Variants in CKAP2L observed in about 807,000 individuals in gnomAD.
CKAP2L encodes the protein cytoskeleton-associated protein 2-like.
CKAP2L carries 42 observed loss-of-function variants against 65.7 expected under a neutral mutation model. That is an observed-to-expected ratio of 0.64 (90% confidence interval 0.50 to 0.83). The LOEUF (loss-of-function observed/expected upper bound fraction) is 0.83, where lower values mean the gene tolerates loss of function less well. Among genes scored for constraint, CKAP2L ranks in the 40% least tolerant of loss-of-function variants. The probability of loss-of-function intolerance (pLI) is 0.00; values close to 1 mark genes in which losing one functional copy is unlikely to be tolerated. For synonymous variants in CKAP2L, 325 were observed against 313.5 expected (o/e 1.04, Z -0.39); for missense variants, 908 against 871.0 (o/e 1.04, Z -0.53).
At chr2:112,762,627 C>T in intron 1 of CKAP2L, 58 bp from the exon 2 acceptor site, 1 of 1,348,250 alleles carries the variant, frequency 7.4e-7, no homozygotes, top group South Asian at 1.2e-5. Context: ...TTAACCAGTT[C>T]ATTAATATTC....
At chr2:112,741,071 A>T in intron 7 of CKAP2L, 64 bp from the exon 8 acceptor site, 5 of 1,068,062 alleles carry the variant, frequency 4.7e-6, no homozygotes, top group Non-Finnish European at 7.0e-6. Flanking sequence ...CTAGAAGTCA[A>T]TAACATGAAA....
intron 7 of CKAP2L, among the ~76,000 whole-genome samples, chr2:112,742,111 A>G (rs1012707908): frequency 6.6e-5 from 10 of 152,252 alleles, no homozygotes; most frequent in Admixed American, 2.0e-4. Context: ...TTAAAGGAAA[A>G]AGATTTGTCA....
chr2:112,752,332 CTT>C lies in CKAP2L; in HGVS notation c.1535_1536del (p.Lys512SerfsTer8). 2 of 1,613,728 alleles carry C rather than the reference CTT, an allele frequency of 1.2e-6. No homozygotes were observed. Among genetic ancestry groups the C allele is most frequent in the Non-Finnish European group, 1.7e-6 (2 of 1,179,734 alleles). ...KSIEKEEEEK[K>X]AQLELSSKIN... ...ATTTTACTGGACAGTTCGAGTTGTG[CTT>C]TCTTTTCTTCCTCTTCTTTTTCAAT... is the stretch of plus-strand genomic sequence containing the variant. On this transcript the variant is annotated frameshift_variant, in exon 5 of 9. Transcript: ENST00000302450. LOFTEE classifies it high-confidence loss of function.
rs1679816377 is a variant in CKAP2L at position 112,740,213 on chromosome 2, CAG to C, written c.2012+603_2012+604del. 2.0e-5 allele frequency among the ~76,000 whole-genome samples: 3 copies of C among 152,040 alleles called. No individual in the cohort carries two copies. The South Asian group carries it at 6.2e-4, about 32-fold the overall frequency. ...ACTGTAGTGGGAAAATGGTGTGTGT[CAG>C]AGAGTTTAGGATTGGAAGAGATTCG... On this transcript the variant is annotated intron_variant, in intron 8 of 8. Coordinates refer to ENST00000302450, the MANE Select transcript of CKAP2L (RefSeq NM_152515.5).
At chr2:112,746,174 A>G (rs564910283) in intron 6 of CKAP2L, among the ~76,000 whole-genome samples, 1 of 152,310 alleles carries the variant, frequency 6.6e-6, no homozygotes, top group Non-Finnish European at 1.5e-5. Context: ...TGTAAATAAT[A>G]ATTATATAGT....
chr2:112,757,321 AT>A, intron 3 of CKAP2L, 107 bp from the exon 4 acceptor site: 1 of 801,270 alleles, frequency 1.2e-6, no homozygotes, highest in Non-Finnish European at 1.9e-6. Context: ...CATTTTTAGA[AT>A]TTCATCTAAG....
In CKAP2L at chr2:112,738,833, G is replaced by A; in HGVS notation, c.2228C>T (p.Pro743Leu). The A allele has an allele frequency of 6.3e-7, 1 of 1,599,218 alleles. No homozygotes were observed. Among genetic ancestry groups the A allele is most frequent in the Non-Finnish European group, 8.6e-7 (1 of 1,166,586 alleles). Residue 743 changes from proline (P) to leucine (L), a missense_variant, in exon 9 of 9, where the codon CCT (proline) becomes CTT (leucine). Coordinates refer to ENST00000302450, the MANE Select transcript of CKAP2L (RefSeq NM_152515.5). Reference protein sequence around the residue: ...ALPVTLGFQTPES With the variant: ...ALPVTLGFQTLES ...AAAAGCATCAAGAAATTATGATTCA[G>A]GGGTTTGAAACCCCAATGTTACAGG...
In CKAP2L at chr2:112,740,943, C is replaced by A. The variant is rs771414042; in HGVS notation, c.1887G>T (p.Lys629Asn). The stretch of plus-strand genomic sequence containing the variant: ...AAAGACAAGACTTCACAGATTCCAT[C>A]TTCTTGGCCAGCTCTTCCACTGATG... ...SITSVEELAK[K>N]MESVKSCLSP... Residue 629 changes from lysine (K) to asparagine (N), a missense_variant, in exon 8 of 9, where the codon AAG becomes AAT. Coordinates refer to ENST00000302450, the MANE Select transcript of CKAP2L (RefSeq NM_152515.5). 5 of 1,614,010 alleles carry A rather than the reference C, an allele frequency of 3.1e-6. No homozygotes were observed. In the South Asian group the frequency reaches 5.5e-5, roughly 18 times the overall value.
intron 2 of CKAP2L, 48 bp downstream of exon 2, chr2:112,762,455 T>C (rs767742298): frequency 9.0e-6 from 13 of 1,438,530 alleles, no homozygotes; most frequent in Admixed American, 1.7e-5. Flanking sequence ...AAATTGCTAG[T>C]ACAAAGAAGG....
intron 5 of CKAP2L, among the ~76,000 whole-genome samples, chr2:112,749,682 A>C (rs1005536809): frequency 6.6e-6 from 1 of 152,254 alleles, no homozygotes; most frequent in East Asian, 1.9e-4. Flanking sequence ...TAAAGAACTC[A>C]AAATGGGAAT....
chr2:112,745,384 AT>A (rs1350390339), intron 6 of CKAP2L, among the ~76,000 whole-genome samples: 385 of 143,778 alleles, frequency 2.7e-3, no homozygotes, highest in Admixed American at 3.4e-3. Context: ...ATATTCATGT[AT>A]TTTTTTTTTT....
chr2:112,749,963 C>CT (rs1418263308), intron 5 of CKAP2L, among the ~76,000 whole-genome samples: 1 of 152,102 alleles, frequency 6.6e-6, no homozygotes, highest in African/African-American at 2.4e-5. Context: ...GTTCTAGCAT[C>CT]TTTTTTTCCC....
At chr2:112,742,422 CA>C in intron 7 of CKAP2L, 2 of 717,590 alleles carry the variant, frequency 2.8e-6, no homozygotes. Flanking sequence ...TCTCTTCCAG[CA>C]AAGAGCTGTT....
intron 1 of CKAP2L, chr2:112,763,629 G>A (rs1680800404): frequency 6.6e-6 from 1 of 152,206 alleles, no homozygotes; most frequent in African/African-American, 2.4e-5. Context: ...AGGGGAGTAG[G>A]TGGCTAGAAA....
intron 5 of CKAP2L, among the ~76,000 whole-genome samples, chr2:112,747,549 C>A (rs1680239381): frequency 6.6e-6 from 1 of 152,194 alleles, no homozygotes; most frequent in East Asian, 1.9e-4. Flanking sequence ...AGGGTTAAAT[C>A]CCACAAAAAG....
At position 112,756,342 on chromosome 2, in the gene CKAP2L, T is replaced by C. The variant is rs926888334; in HGVS notation, c.1029A>G (p.Glu343=). 3 of 1,613,586 alleles carry C rather than the reference T, an allele frequency of 1.9e-6. No homozygotes were observed. Among genetic ancestry groups the C allele is most frequent in the African/African-American group, 2.7e-5 (2 of 74,908 alleles). The part of the protein sequence containing the change: ...PRTYPSLLQG[E]YNNRHPNIKQ... ...TGATGTTTGGATGTCTGTTGTTATA[T>C]TCACCCTGAAGCAAACTGGGGTATG... is the stretch of plus-strand genomic sequence containing the variant. The change falls in exon 4 of 9, where the codon GAA becomes GAG. Residue 343 remains glutamate, a synonymous_variant. Coordinates refer to ENST00000302450, the MANE Select transcript of CKAP2L (RefSeq NM_152515.5).
Position 112,756,973 on chromosome 2 carries a change from TCTC to T in CKAP2L, c.395_397del (p.Gly132del), listed in dbSNP as rs745761984. ...TGACCCCACAGGTTTTCTTGACAGT[TCTC>T]CTGTTGTGGACGATCCAGCTTCACA... is the stretch of plus-strand genomic sequence containing the variant. On this transcript the variant is annotated inframe_deletion, in exon 4 of 9. Coordinates refer to ENST00000302450, the MANE Select transcript of CKAP2L (RefSeq NM_152515.5). 3 of 1,614,254 alleles carry T rather than the reference TCTC, an allele frequency of 1.9e-6. No individual in the cohort carries two copies. The highest frequency in any genetic ancestry group is 1.1e-5 in the South Asian group (1 of 91,090).
chr2:112,739,853 T>C (rs1050931061), intron 8 of CKAP2L, among the ~76,000 whole-genome samples: 1 of 152,144 alleles, frequency 6.6e-6, no homozygotes, highest in African/African-American at 2.4e-5. Context: ...GGGGTCTCCC[T>C]ATGCTGCCCA....
chr2:112,757,258 T>A, intron 3 of CKAP2L, 44 bp from the exon 4 acceptor site: 1 of 1,332,966 alleles, frequency 7.5e-7, no homozygotes, highest in Admixed American at 2.4e-5. Context: ...CCTTAACATA[T>A]CTTATTGTTT....
Sources: allele counts gnomAD v4.1 joint callset (sites outside exome capture counted in the v4.1 genomes callset), GRCh38; gene constraint gnomAD v4.1.1; transcripts MANE v1.5; gene names NCBI Gene and HGNC (gene_info 2026-07-23, HGNC 2026-07-21).